SLC25A21: variants seen among roughly 807,000 people sequenced by gnomAD.
SLC25A21 encodes solute carrier family 25 member 21, also known as mitochondrial 2-oxodicarboxylate carrier.
SLC25A21 carries 47 observed loss-of-function variants against 43.8 expected under a neutral mutation model. The observed-to-expected ratio is 1.07, with a 90% CI of 0.85 to 1.37. SLC25A21 has a LOEUF of 1.37. SLC25A21 is among the 40% of genes most tolerant of loss of function. SLC25A21 has a pLI of 0.00. For missense variants in SLC25A21, 352 were observed against 350.2 expected (o/e 1.00, Z -0.04); for synonymous variants, 131 against 121.3 (o/e 1.08, Z -0.52).
intron 1 of SLC25A21, among the ~76,000 whole-genome samples, chr14:37,003,400 T>C (rs1960530262): frequency 6.6e-6 from 1 of 152,186 alleles, no homozygotes; most frequent in African/African-American, 2.4e-5. Flanking sequence ...ATTTTCCACT[T>C]AATATTTTTA....
chr14:37,084,916 T>C (rs1962455323), intron 1 of SLC25A21, among the ~76,000 whole-genome samples: 1 of 152,238 alleles, frequency 6.6e-6, no homozygotes, highest in Non-Finnish European at 1.5e-5. Flanking sequence ...CCTTTTTCCT[T>C]TATTGTACCA....
chr14:37,138,159 T>C (rs993323865), intron 1 of SLC25A21, among the ~76,000 whole-genome samples: 1 of 152,134 alleles, frequency 6.6e-6, no homozygotes, highest in East Asian at 1.9e-4. Context: ...TAAACACGCA[T>C]TTATTCCCAG....
intron 1 of SLC25A21, among the ~76,000 whole-genome samples, chr14:36,950,149 G>T (rs376441072): frequency 1.8e-4 from 27 of 152,100 alleles, no homozygotes; most frequent in African/African-American, 5.5e-4. Flanking sequence ...GTAATTTGTC[G>T]CAAGGTACCT....
intron 1 of SLC25A21, among the ~76,000 whole-genome samples, chr14:37,136,132 C>T (rs1457329047): frequency 2.0e-5 from 3 of 152,102 alleles, no homozygotes; most frequent in African/African-American, 7.2e-5. Context: ...TAGAAATAGA[C>T]ATTCAATAAA....
intron 1 of SLC25A21, among the ~76,000 whole-genome samples, chr14:36,914,268 A>T (rs143413209): frequency 2.6e-4 from 40 of 152,332 alleles, no homozygotes; most frequent in Admixed American, 6.5e-4. Context: ...TTTAGGAGAC[A>T]GGGAAGTCTC....
At chr14:37,005,072 T>G (rs974438399) in intron 1 of SLC25A21, among the ~76,000 whole-genome samples, 1 of 151,890 alleles carries the variant, frequency 6.6e-6, no homozygotes, top group African/African-American at 2.4e-5. Context: ...TGATCTGTAC[T>G]CACCGGAATA....
intron 6 of SLC25A21, chr14:36,725,016 A>C (rs61531391): frequency 0.012 from 1,830 of 152,316 alleles, 32 homozygotes; most frequent in African/African-American, 0.041. Context: ...AAAATGAATA[A>C]ACAATAAACA....
intron 1 of SLC25A21, among the ~76,000 whole-genome samples, chr14:36,922,237 AAAC>A (rs1892001603): frequency 6.6e-6 from 1 of 152,128 alleles, no homozygotes; most frequent in African/African-American, 2.4e-5. Context: ...CTTCCACCAT[AAAC>A]AACTAGAAAA....
chr14:36,734,889 G>A (rs184209039), intron 3 of SLC25A21, among the ~76,000 whole-genome samples: 2 of 152,266 alleles, frequency 1.3e-5, no homozygotes, highest in East Asian at 3.9e-4. Context: ...TGTGTGGCAG[G>A]TAGCTTCAAG....
intron 3 of SLC25A21, among the ~76,000 whole-genome samples, chr14:36,808,306 T>C (rs1210049330): frequency 6.6e-6 from 1 of 152,096 alleles, no homozygotes; most frequent in Non-Finnish European, 1.5e-5. Context: ...CATGAACTTA[T>C]CAGAAATACA....
chr14:36,771,505 A>G (rs1886616994), intron 3 of SLC25A21, among the ~76,000 whole-genome samples: 1 of 152,154 alleles, frequency 6.6e-6, no homozygotes, highest in South Asian at 2.1e-4. Context: ...AGTGCCACGG[A>G]AGAGATGGGT....
intron 1 of SLC25A21, among the ~76,000 whole-genome samples, chr14:36,931,923 G>A (rs1367983592): frequency 6.6e-6 from 1 of 152,108 alleles, no homozygotes; most frequent in Non-Finnish European, 1.5e-5. Flanking sequence ...TTGAGCTAGA[G>A]ACATTTTGCA....
At chr14:37,049,547 G>A (rs1256989007) in intron 1 of SLC25A21, among the ~76,000 whole-genome samples, 3 of 152,102 alleles carry the variant, frequency 2.0e-5, no homozygotes, top group African/African-American at 2.4e-5. Flanking sequence ...ACTCCAGCCT[G>A]GGCAACAGAG....
At chr14:37,016,376 G>A (rs537407906) in intron 1 of SLC25A21, among the ~76,000 whole-genome samples, 1 of 152,136 alleles carries the variant, frequency 6.6e-6, no homozygotes, top group African/African-American at 2.4e-5. Flanking sequence ...TATTTCTGAG[G>A]GCTCTGTTCT....
At chr14:36,748,837 C>T (rs1187013387) in intron 3 of SLC25A21, among the ~76,000 whole-genome samples, 2 of 152,178 alleles carry the variant, frequency 1.3e-5, no homozygotes, top group Non-Finnish European at 2.9e-5. Context: ...TTAGCATGTT[C>T]AAAATGAACT....
chr14:36,908,897 T>C (rs973093075), intron 1 of SLC25A21, among the ~76,000 whole-genome samples: 2 of 152,152 alleles, frequency 1.3e-5, no homozygotes, highest in African/African-American at 4.8e-5. Flanking sequence ...GCATAATTGA[T>C]TTACTATGCT....
At chr14:36,876,833 G>GTA (rs1471053847) in intron 1 of SLC25A21, among the ~76,000 whole-genome samples, 1 of 150,276 alleles carries the variant, frequency 6.7e-6, no homozygotes, top group Non-Finnish European at 1.5e-5. Context: ...TATGAAATAT[G>GTA]TATATATATG....
At chr14:36,983,384 T>G (rs1037373651) in intron 1 of SLC25A21, among the ~76,000 whole-genome samples, 10 of 152,190 alleles carry the variant, frequency 6.6e-5, no homozygotes, top group African/African-American at 2.4e-4. Flanking sequence ...CAGACATTAG[T>G]GTAGGTGCTA....
At chr14:37,163,155 G>T (rs1408322639) in intron 1 of SLC25A21, among the ~76,000 whole-genome samples, 1 of 151,544 alleles carries the variant, frequency 6.6e-6, no homozygotes, top group African/African-American at 2.4e-5. Context: ...GTGGGGGGAT[G>T]GGGGAGGGAT....
Sources: allele counts gnomAD v4.1 joint callset (sites outside exome capture counted in the v4.1 genomes callset), GRCh38; gene constraint gnomAD v4.1.1; transcripts MANE v1.5; gene names NCBI Gene and HGNC (gene_info 2026-07-23, HGNC 2026-07-21).